OSBPL10: variants seen among roughly 807,000 people sequenced by gnomAD.
OSBPL10 encodes the protein oxysterol-binding protein-related protein 10.
A neutral mutation model predicts 81.7 loss-of-function variants in OSBPL10; 49 were observed. That is an observed-to-expected ratio of 0.60 (90% CI 0.48 to 0.76). The LOEUF (loss-of-function observed/expected upper bound fraction) is 0.76, where lower values mean the gene tolerates loss of function less well. Ranked by LOEUF, OSBPL10 falls within the 30% of genes least tolerant of loss-of-function variation. OSBPL10 has a pLI of 0.00. For synonymous variants in OSBPL10, 419 were observed against 383.6 expected, an observed-to-expected ratio of 1.09 and a Z score of -1.08; for missense variants, 923 against 987.8, an observed-to-expected ratio of 0.93 and a Z score of 0.88.
intron 4 of OSBPL10, among the ~76,000 whole-genome samples, chr3:31,797,329 A>G (rs1462664405): frequency 6.6e-6 from 1 of 152,136 alleles, no homozygotes; most frequent in East Asian, 1.9e-4. Context: ...ACTCAAGTTG[A>G]GTATTCAAAA....
At chr3:31,710,195 G>C (rs1460955626) in intron 6 of OSBPL10, among the ~76,000 whole-genome samples, 1 of 152,130 alleles carries the variant, frequency 6.6e-6, no homozygotes, top group African/African-American at 2.4e-5. Context: ...CTCTAAAATG[G>C]AGATGGTACC....
At chr3:31,754,916 G>A (rs973245908) in intron 4 of OSBPL10, among the ~76,000 whole-genome samples, 1 of 152,130 alleles carries the variant, frequency 6.6e-6, no homozygotes, top group African/African-American at 2.4e-5. Flanking sequence ...TATGTTAGGG[G>A]ACTCTGGGTC....
At chr3:31,720,881 C>CAAAAAAAAAAAAAAAAA (rs61492992) in intron 6 of OSBPL10, among the ~76,000 whole-genome samples, 3 of 66,306 alleles carry the variant, frequency 4.5e-5, no homozygotes, top group East Asian at 8.4e-4. Flanking sequence ...GACTCTGTCT[C>CAAAAAAAAAAAAAAAAA]AAAAAAAAAA....
At chr3:31,664,410 C>T (rs1700141141) in intron 10 of OSBPL10, 178 bp from the exon 11 acceptor site, 1 of 623,686 alleles carries the variant, frequency 1.6e-6, no homozygotes, top group South Asian at 2.0e-5. Context: ...GGCTACCCAG[C>T]TCCACCTCTG....
chr3:31,709,031 G>C (rs887835846), intron 6 of OSBPL10: 1 of 985,430 alleles, frequency 1.0e-6, no homozygotes, highest in Non-Finnish European at 1.2e-6. Flanking sequence ...GGCCACCGGC[G>C]AATTTAGGGG....
intron 8 of OSBPL10, among the ~76,000 whole-genome samples, chr3:31,674,722 G>A (rs1575467293): frequency 2.0e-5 from 3 of 152,188 alleles, no homozygotes; most frequent in Admixed American, 6.5e-5. Context: ...ACGAGTGGAT[G>A]TAGCCTGAGG....
At chr3:31,833,319 G>A (rs1156766618) in intron 3 of OSBPL10, among the ~76,000 whole-genome samples, 1 of 152,096 alleles carries the variant, frequency 6.6e-6, no homozygotes, top group Non-Finnish European at 1.5e-5. Flanking sequence ...CTCTTGCCAT[G>A]TGATCTGGGG....
chr3:31,971,588 C>T (rs1698569360), intron 1 of OSBPL10, among the ~76,000 whole-genome samples: 1 of 152,180 alleles, frequency 6.6e-6, no homozygotes, highest in Non-Finnish European at 1.5e-5. Flanking sequence ...ATAGCTTGTC[C>T]AAGGCAAAGA....
At chr3:31,684,332 G>C (rs1034149582) in intron 7 of OSBPL10, among the ~76,000 whole-genome samples, 3 of 152,214 alleles carry the variant, frequency 2.0e-5, no homozygotes, top group African/African-American at 7.2e-5. Flanking sequence ...TTGTGGACAA[G>C]ACTGCTCTGA....
At position 31,664,205 on chromosome 3, in the gene OSBPL10, G is replaced by A; in HGVS notation, c.2124C>T (p.Tyr708=). Residue 708 remains tyrosine (Y), a synonymous_variant, in exon 11 of 12, where the codon TAC becomes TAT. Coordinates refer to ENST00000396556, the MANE Select transcript of OSBPL10 (RefSeq NM_017784.5). ...CTGCGTCAATGTCCCCCAGCCGCAG[G>A]TATCGGGTCACCTCCCGCCAGAGGT... ...SRNLWREVTR[Y]LRLGDIDAAT... 1.2e-6 allele frequency: 2 copies of A among 1,612,776 alleles called. No homozygotes were observed. Among genetic ancestry groups the A allele is most frequent in the Admixed American group, 1.7e-5 (1 of 60,010 alleles).
rs886114391 is a variant in OSBPL10, at chr3:32,065,029, T to C, written n.185+12367A>G. 5 of 93,706 alleles carry C rather than the reference T, an allele frequency of 5.3e-5. 2 individuals are homozygous for C. The highest frequency in any genetic ancestry group is 1.4e-4 in the Non-Finnish European group (5 of 34,882). 5.8% of individuals were successfully genotyped at this position (93,706 alleles called of 1,614,324 possible). On this transcript the variant is annotated intron_variant and non_coding_transcript_variant, in intron 1 of 3. Coordinates refer to the OSBPL10 transcript ENST00000479173. ...AAGAAAATTATAATCAATTTCTTTC[T>C]TGGCTAATCTCTTCCTGAGTAATTT...
At chr3:31,875,162 G>C (rs1701420903) in intron 3 of OSBPL10, among the ~76,000 whole-genome samples, 1 of 150,018 alleles carries the variant, frequency 6.7e-6, no homozygotes, top group Admixed American at 6.6e-5. Flanking sequence ...CGTAGATACA[G>C]TTATATATAC....
rs145358307 is a variant in OSBPL10, at chr3:31,728,824, T to A, written c.1095+4433A>T. On this transcript the variant is annotated intron_variant, in intron 6 of 11. Transcript: ENST00000396556. The stretch of plus-strand genomic sequence containing the variant: ...CAGGTTGAGTATCCCTCACCTGAAA[T>A]GCCTGGGAGAAAAAGTGTTTTGGAT... Among the ~76,000 whole-genome samples the A allele has an allele frequency of 2.1e-3, 323 of 152,276 alleles. 2 individuals carry two copies. Among genetic ancestry groups the A allele is most frequent in the African/African-American group, 7.2e-3 (299 of 41,560 alleles).
At chr3:31,752,637 T>C (rs534379439) in intron 4 of OSBPL10, among the ~76,000 whole-genome samples, 26 of 152,278 alleles carry the variant, frequency 1.7e-4, no homozygotes, top group African/African-American at 6.0e-4. Context: ...TCAAAAAAGC[T>C]GAAACGAAGA....
At chr3:31,882,131 G>A (rs1396590168) in intron 1 of OSBPL10, among the ~76,000 whole-genome samples, 1 of 152,220 alleles carries the variant, frequency 6.6e-6, no homozygotes, top group East Asian at 1.9e-4. Flanking sequence ...GCCCCGGCAA[G>A]GGAGCAAGTC....
At chr3:31,728,710 A>G (rs1424840191) in intron 6 of OSBPL10, among the ~76,000 whole-genome samples, 1 of 152,210 alleles carries the variant, frequency 6.6e-6, no homozygotes, top group African/African-American at 2.4e-5. Flanking sequence ...ATAGGGACAA[A>G]TAACAGATCA....
chr3:31,919,719 G>A (rs1696858498), intron 1 of OSBPL10, among the ~76,000 whole-genome samples: 1 of 152,194 alleles, frequency 6.6e-6, no homozygotes, highest in South Asian at 2.1e-4. Flanking sequence ...AGGAGGAATG[G>A]CTTCCAGAAT....
At chr3:32,023,163 C>T (rs1699374208) in intron 2 of OSBPL10, among the ~76,000 whole-genome samples, 1 of 152,124 alleles carries the variant, frequency 6.6e-6, no homozygotes, top group Non-Finnish European at 1.5e-5. Flanking sequence ...TGGCTGTGAT[C>T]CATCCAAAAC....
chr3:31,668,847 TAC>T, intron 9 of OSBPL10, 23 bp from the exon 10 acceptor site: 1 of 1,525,960 alleles, frequency 6.6e-7, no homozygotes, highest in Non-Finnish European at 8.8e-7. Context: ...GTCAAATGAG[TAC>T]ACACTTTTCA....
Sources: allele counts gnomAD v4.1 joint callset (sites outside exome capture counted in the v4.1 genomes callset), GRCh38; gene constraint gnomAD v4.1.1; transcripts MANE v1.5; gene names NCBI Gene and HGNC (gene_info 2026-07-23, HGNC 2026-07-21).